The following GSE1 variants were observed in gnomAD, a reference collection of about 807,000 sequenced individuals.
GSE1 encodes Gse1 coiled-coil protein.
In GSE1, 32 loss-of-function variants were observed where a neutral mutation model predicts 112.6. That is an observed-to-expected ratio of 0.28 (90% CI 0.21 to 0.38). The LOEUF is 0.38. Among genes scored for constraint, GSE1 ranks in the 10% least tolerant of loss-of-function variants. GSE1 has a pLI of 1.00. For synonymous variants in GSE1, 1,115 were observed against 735.6 expected (o/e 1.52, Z -8.35); for missense variants, 2,348 against 1,699.2 (o/e 1.38, Z -6.71).
At chr16:85,642,991 C>G (rs2050566364) in intron 2 of GSE1, among the ~76,000 whole-genome samples, 1 of 152,126 alleles carries the variant, frequency 6.6e-6, no homozygotes, top group African/African-American at 2.4e-5. Flanking sequence ...AGACCGATGA[C>G]TCTTCAGGGG....
chr16:85,310,780 T>TCC (rs561461500), intron 1 of GSE1, among the ~76,000 whole-genome samples: 1 of 144,368 alleles, frequency 6.9e-6, no homozygotes, highest in Non-Finnish European at 1.5e-5. Context: ...CTGGCCTGCG[T>TCC]CCCCCCCCCA....
chr16:85,618,720 C>T (rs937699546), intron 1 of GSE1, among the ~76,000 whole-genome samples: 4 of 152,222 alleles, frequency 2.6e-5, no homozygotes, highest in African/African-American at 9.6e-5. Flanking sequence ...CGCAGTGGTG[C>T]GATCACAGCT....
Position 85,649,919 on chromosome 16 carries a change from A to G in GSE1, c.426+1168A>G, listed in dbSNP as rs744256. Among the ~76,000 whole-genome samples the G allele has an allele frequency of 2.4e-3, 367 of 152,220 alleles. 9 individuals carry two copies. The highest frequency in any genetic ancestry group is 0.023 in the Admixed American group (346 of 15,306). ...GGGAAGGGAGCCAGCCTCAGTCCACAGGTGACAGCCCCCGGGCAGGCCCTG... is the reference window on the plus strand; with the variant it reads ...GGGAAGGGAGCCAGCCTCAGTCCACGGGTGACAGCCCCCGGGCAGGCCCTG... On this transcript the variant is annotated intron_variant, in intron 3 of 15. Coordinates refer to ENST00000253458, the MANE Select transcript of GSE1 (RefSeq NM_014615.5).
At chr16:85,288,628 G>T (rs1428307281) in intron 1 of GSE1, among the ~76,000 whole-genome samples, 1 of 152,210 alleles carries the variant, frequency 6.6e-6, no homozygotes, top group African/African-American at 2.4e-5. Context: ...TGCCACTGAG[G>T]ACAGCAGAGG....
intron 5 of GSE1, among the ~76,000 whole-genome samples, 171 bp from the exon 6 acceptor site, chr16:85,655,555 G>A (rs1269730640): frequency 2.0e-5 from 3 of 152,182 alleles, no homozygotes; most frequent in Admixed American, 6.5e-5. Flanking sequence ...AGCAGCCTCC[G>A]GCATCAAGGG....
At chr16:85,567,862 A>T (rs1462966520) in intron 1 of GSE1, among the ~76,000 whole-genome samples, 1 of 152,062 alleles carries the variant, frequency 6.6e-6, no homozygotes, top group Non-Finnish European at 1.5e-5. Context: ...AGCTGGGATC[A>T]CACGTATGCA....
intron 1 of GSE1, among the ~76,000 whole-genome samples, chr16:85,562,256 A>T (rs757066425): frequency 2.0e-5 from 3 of 152,140 alleles, no homozygotes; most frequent in Non-Finnish European, 2.9e-5. Context: ...CCCCTGAGAG[A>T]TGGGGAGGCC....
At chr16:85,495,113 A>T (rs1479130681) in intron 2 of GSE1, among the ~76,000 whole-genome samples, 4 of 152,216 alleles carry the variant, frequency 2.6e-5, no homozygotes, top group African/African-American at 4.8e-5. Flanking sequence ...ACGTGTGGTT[A>T]TTCTAGTGTT....
chr16:85,550,625 C>T (rs1369851520), intron 2 of GSE1, among the ~76,000 whole-genome samples: 4 of 152,132 alleles, frequency 2.6e-5, no homozygotes, highest in African/African-American at 4.8e-5. Context: ...CCAGTGGGCA[C>T]AGCTCCCAGC....
intron 1 of GSE1, among the ~76,000 whole-genome samples, chr16:85,562,643 C>T (rs1361622417): frequency 3.9e-5 from 6 of 152,222 alleles, no homozygotes; most frequent in Admixed American, 1.3e-4. Flanking sequence ...AAGGGGAGGA[C>T]GTGTCTGGAC....
At chr16:85,381,816 G>T (rs1446548075) in intron 2 of GSE1, among the ~76,000 whole-genome samples, 2 of 152,322 alleles carry the variant, frequency 1.3e-5, no homozygotes, top group East Asian at 3.9e-4. Context: ...TGAGGCCGGT[G>T]CATCTGTTCA....
At chr16:85,615,974 G>T (rs1172240433) in intron 1 of GSE1, among the ~76,000 whole-genome samples, 1 of 152,244 alleles carries the variant, frequency 6.6e-6, no homozygotes, top group Non-Finnish European at 1.5e-5. Flanking sequence ...CGATGGCCCC[G>T]ATGAGCCCTC....
chr16:85,383,515 ACG>A (rs1491090649), intron 2 of GSE1, among the ~76,000 whole-genome samples: 3 of 135,108 alleles, frequency 2.2e-5, no homozygotes, highest in Middle Eastern at 3.5e-3. Flanking sequence ...ACACACACAC[ACG>A]CACACCTGCG....
chr16:85,361,259 A>C (rs1261274699), intron 2 of GSE1, among the ~76,000 whole-genome samples: 23 of 117,158 alleles, frequency 2.0e-4, no homozygotes, highest in Admixed American at 4.0e-4. Context: ...CAGACCCCCC[A>C]CACACAAACA....
At chr16:85,362,265 G>C (rs1355970766) in intron 2 of GSE1, among the ~76,000 whole-genome samples, 1 of 152,170 alleles carries the variant, frequency 6.6e-6, no homozygotes, top group Non-Finnish European at 1.5e-5. Context: ...AATACTCTTC[G>C]GCCTTTAGTC....
chr16:85,388,027 GATGGATGA>G (rs2047728760), intron 2 of GSE1, among the ~76,000 whole-genome samples: 2 of 124,624 alleles, frequency 1.6e-5, no homozygotes, highest in East Asian at 2.1e-4. Context: ...TGGATGGATG[GATGGATGA>G]ACAGATGGAT....
rs527286099 is a variant in GSE1, at chr16:85,466,753, G to C, written c.2464+109110G>C. Among the ~76,000 whole-genome samples the C allele has an allele frequency of 8.5e-5, 13 of 152,118 alleles. No homozygotes were observed. In the South Asian group the frequency reaches 2.5e-3, roughly 29 times the overall value. Reference sequence around the variant, plus strand: ...AGAGGGAGAGCGCACAAGAGAGCAAGAGAGAGAAAGGAAGGGAGGAAGATG... The same window carrying C: ...AGAGGGAGAGCGCACAAGAGAGCAACAGAGAGAAAGGAAGGGAGGAAGATG... On this transcript the variant is annotated intron_variant, in intron 2 of 2. Transcript: ENST00000637419.
At chr16:85,187,647 C>G (rs569863755) in intron 1 of GSE1, among the ~76,000 whole-genome samples, 6 of 152,260 alleles carry the variant, frequency 3.9e-5, no homozygotes, top group Admixed American at 3.9e-4. Flanking sequence ...TAAGGGTGTG[C>G]GGACATCAGG....
At chr16:85,278,785 C>A in intron 1 of GSE1, 1 of 164,800 alleles carries the variant, frequency 6.1e-6, no homozygotes, top group South Asian at 1.7e-4. Flanking sequence ...ACTTTTAGGT[C>A]AACCCAAGAA....
Sources: allele counts gnomAD v4.1 joint callset (sites outside exome capture counted in the v4.1 genomes callset), GRCh38; gene constraint gnomAD v4.1.1; transcripts MANE v1.5; gene names NCBI Gene and HGNC (gene_info 2026-07-23, HGNC 2026-07-21).